PCDHA4: variants seen among roughly 807,000 people sequenced by gnomAD.
PCDHA4 encodes protocadherin alpha-4.
Under a neutral mutation model 61.4 loss-of-function variants are expected in PCDHA4, and 49 were observed. The ratio of observed to expected loss-of-function variants is 0.80; its 90% CI spans 0.63 to 1.01. PCDHA4 has a LOEUF of 1.01. Among genes scored for constraint, PCDHA4 ranks in the 50% least tolerant of loss-of-function variants. The pLI is 0.00. For missense variants in PCDHA4, 1,254 were observed against 1,235.8 expected (o/e 1.01, Z -0.22); for synonymous variants, 590 against 550.3 (o/e 1.07, Z -1.01).
rs782551783 is a variant in PCDHA4, at chr5:140,809,094, C to A, written c.1907C>A (p.Ala636Asp). 1.2e-6 allele frequency: 2 copies of A among 1,613,968 alleles called. No homozygotes were observed. The highest frequency in any genetic ancestry group is 4.5e-5 in the East Asian group (2 of 44,860). Residue 636 changes from alanine (A) to aspartate (D), a missense_variant, in exon 1 of 4, where the codon GCC becomes GAC. Transcript: ENST00000530339. ...ACTGGCGAGATCAGCACAACGCGTGCCCTGGACGAAACGGACGCTCCGCGC... is the reference window on the plus strand; with the variant it reads ...ACTGGCGAGATCAGCACAACGCGTGACCTGGACGAAACGGACGCTCCGCGC... Reference protein sequence around the residue: ...LYTGEISTTRALDETDAPRHR... With the variant: ...LYTGEISTTRDLDETDAPRHR...
chr5:140,834,517 T>C, intron 1 of PCDHA4: 2 of 1,614,066 alleles, frequency 1.2e-6, no homozygotes, highest in South Asian at 1.1e-5. Context: ...GGCAACTTCG[T>C]GGGCCGCATC....
intron 1 of PCDHA4, among the ~76,000 whole-genome samples, chr5:140,925,538 C>T (rs1387501905): frequency 6.6e-6 from 1 of 151,860 alleles, no homozygotes; most frequent in Non-Finnish European, 1.5e-5. Flanking sequence ...AGGAGAAATA[C>T]CTAATGTAAA....
intron 3 of PCDHA4, among the ~76,000 whole-genome samples, chr5:140,988,127 C>T (rs1285717954): frequency 2.0e-5 from 3 of 152,120 alleles, no homozygotes; most frequent in African/African-American, 7.2e-5. Flanking sequence ...GCATGCTGTT[C>T]CACTAACCTG....
At chr5:140,941,424 C>A (rs909959554) in intron 1 of PCDHA4, among the ~76,000 whole-genome samples, 2 of 148,790 alleles carry the variant, frequency 1.3e-5, no homozygotes, top group African/African-American at 5.0e-5. Flanking sequence ...TCAAGCAATT[C>A]TCTGCCTCAG....
At chr5:140,969,468 AT>A (rs1264391543) in intron 1 of PCDHA4, 1 of 1,486,422 alleles carries the variant, frequency 6.7e-7, no homozygotes, top group Non-Finnish European at 9.0e-7. Context: ...AGTATCCACA[AT>A]TTGATCATAA....
chr5:140,969,393 C>T, intron 1 of PCDHA4: 1 of 1,590,146 alleles, frequency 6.3e-7, no homozygotes. Flanking sequence ...CCCCCAATAT[C>T]CTGTGATTTG....
chr5:140,822,923 A>G (rs2150120429), intron 1 of PCDHA4: 3 of 1,614,152 alleles, frequency 1.9e-6, no homozygotes, highest in South Asian at 2.2e-5. Context: ...GCCAACGGGC[A>G]GGTGACCTGC....
At chr5:140,857,085 C>T in intron 1 of PCDHA4, 2 of 1,596,752 alleles carry the variant, frequency 1.3e-6, no homozygotes, top group Non-Finnish European at 8.6e-7. Context: ...AATGATAATT[C>T]ACCTGAGGTG....
intron 1 of PCDHA4, among the ~76,000 whole-genome samples, chr5:140,922,977 G>C (rs935363543): frequency 3.9e-5 from 6 of 152,204 alleles, no homozygotes; most frequent in Non-Finnish European, 5.9e-5. Context: ...GCATATCTCA[G>C]ACAATAGGCA....
At chr5:140,917,305 C>A (rs1554197951) in intron 1 of PCDHA4, among the ~76,000 whole-genome samples, 1 of 137,092 alleles carries the variant, frequency 7.3e-6, no homozygotes, top group Non-Finnish European at 1.5e-5. Flanking sequence ...ATAGTTGTTA[C>A]AATTTGGTGT....
At chr5:140,924,944 T>TA (rs11334471) in intron 1 of PCDHA4, among the ~76,000 whole-genome samples, 37 of 142,946 alleles carry the variant, frequency 2.6e-4, no homozygotes, top group Non-Finnish European at 4.2e-4. Context: ...AATAAAAAGT[T>TA]AAAAAAAAAA....
chr5:140,839,529 A>G (rs1291835739), intron 1 of PCDHA4, among the ~76,000 whole-genome samples: 5 of 151,980 alleles, frequency 3.3e-5, no homozygotes, highest in Admixed American at 2.6e-4. Flanking sequence ...TGCTGGGACT[A>G]TAGGCACACA....
intron 1 of PCDHA4, among the ~76,000 whole-genome samples, chr5:140,920,557 G>A (rs1554199669): frequency 6.6e-6 from 1 of 152,158 alleles, no homozygotes; most frequent in African/African-American, 2.4e-5. Flanking sequence ...TCGAAGTGTG[G>A]CCCTTAGGCC....
intron 1 of PCDHA4, chr5:140,927,716 G>A (rs782756674): frequency 2.5e-6 from 4 of 1,614,072 alleles, no homozygotes; most frequent in Non-Finnish European, 3.4e-6. Context: ...CTAAGCAACA[G>A]CACGCAAGCA....
chr5:141,011,750 A>T lies in PCDHA4; in HGVS notation c.*1813A>T, dbSNP rs1554263628. The T allele has an allele frequency of 6.5e-6, 1 of 153,696 alleles. No individual in the cohort carries two copies. Among genetic ancestry groups the T allele is most frequent in the Non-Finnish European group, 1.5e-5 (1 of 68,036 alleles). 9.5% of individuals were successfully genotyped at this position (153,696 alleles called of 1,614,324 possible). A position where few individuals can be genotyped will look rare whatever the true frequency, so the allele number is the denominator to read the frequency against. On this transcript the variant is annotated 3_prime_UTR_variant, in exon 4 of 4. Transcript: ENST00000530339. ...TGCAAGCACAAATTTTACCAATCTG[A>T]CCTCTTTGAAGTTGCAGAATGCTTT... is the stretch of plus-strand genomic sequence containing the variant.
chr5:140,943,467 G>C lies in PCDHA4; in HGVS notation c.2386-35482G>C, dbSNP rs559827697. 2.0e-5 allele frequency among the ~76,000 whole-genome samples: 3 copies of C among 152,126 alleles called. No individual in the cohort carries two copies. The East Asian group carries it at 5.8e-4, about 29-fold the overall frequency. On this transcript the variant is annotated intron_variant, in intron 1 of 3. Coordinates refer to ENST00000530339, the MANE Select transcript of PCDHA4 (RefSeq NM_018907.4). ...AGAATTGATAAGGCTAAATGTGGGA[G>C]ATACAGTAAAATAATAAATAGATGC... is the stretch of plus-strand genomic sequence containing the variant.
chr5:140,964,252 T>G (rs569615423), intron 1 of PCDHA4, among the ~76,000 whole-genome samples: 6 of 152,332 alleles, frequency 3.9e-5, no homozygotes, highest in African/African-American at 1.2e-4. Flanking sequence ...GGCTTTATAT[T>G]TGACTCCTTA....
intron 1 of PCDHA4, chr5:140,929,048 G>A (rs782818540): frequency 1.9e-5 from 31 of 1,614,088 alleles, no homozygotes; most frequent in Middle Eastern, 1.6e-4. Flanking sequence ...CAGAGCTGCT[G>A]TCGCTCTACA....
In PCDHA4 at chr5:140,809,189, T is replaced by C. The variant is rs782091901; in HGVS notation, c.2002T>C (p.Ser668Pro). The C allele has an allele frequency of 6.2e-7, 1 of 1,614,030 alleles. No homozygotes were observed. ...GACGGCCACGGCCACTGTGCTGGTG[T>C]CACTTGTGGAGAGTGGACAGGCGCC... ...ALTATATVLV[S>P]LVESGQAPKA... The change falls in exon 1 of 4, where the codon TCA (serine) becomes CCA (proline). Residue 668 changes from serine to proline, a missense_variant. Transcript: ENST00000530339.
Sources: allele counts gnomAD v4.1 joint callset (sites outside exome capture counted in the v4.1 genomes callset), GRCh38; gene constraint gnomAD v4.1.1; transcripts MANE v1.5; gene names NCBI Gene and HGNC (gene_info 2026-07-23, HGNC 2026-07-21).